Variants in SSBP2 observed in about 807,000 individuals in gnomAD.
SSBP2 encodes single-stranded DNA-binding protein 2.
In SSBP2, 17 loss-of-function variants were observed where a neutral mutation model predicts 61.8. That is an observed-to-expected ratio of 0.28 (90% CI 0.19 to 0.41). The LOEUF (loss-of-function observed/expected upper bound fraction) is 0.41, where lower values mean the gene tolerates loss of function less well. SSBP2 is among the 10% of genes least tolerant of loss of function. The probability of loss-of-function intolerance (pLI) is 1.00; values close to 1 mark genes in which losing one functional copy is unlikely to be tolerated. For missense variants in SSBP2, 310 were observed against 458.7 expected (o/e 0.68, Z 2.96); for synonymous variants, 139 against 141.3 (o/e 0.98, Z 0.12).
intron 1 of SSBP2, among the ~76,000 whole-genome samples, chr5:81,684,776 T>C (rs1240489728): frequency 1.3e-5 from 2 of 152,294 alleles, no homozygotes; most frequent in East Asian, 3.9e-4. Context: ...TTGTCTCAGA[T>C]GAGACTTTGG....
intron 1 of SSBP2, among the ~76,000 whole-genome samples, chr5:81,664,897 C>T (rs1467769516): frequency 6.6e-6 from 1 of 152,112 alleles, no homozygotes; most frequent in Admixed American, 6.6e-5. Context: ...TTTTCGGGTT[C>T]TCTGTTCTGT....
At chr5:81,532,541 G>T (rs1044493049) in intron 4 of SSBP2, among the ~76,000 whole-genome samples, 11 of 151,786 alleles carry the variant, frequency 7.2e-5, no homozygotes, top group Admixed American at 7.2e-4. Flanking sequence ...CAAAATGAAA[G>T]ATAATTCAAA....
intron 5 of SSBP2, among the ~76,000 whole-genome samples, chr5:81,491,789 G>T (rs572387991): frequency 7.2e-5 from 11 of 151,892 alleles, no homozygotes; most frequent in Non-Finnish European, 1.5e-4. Context: ...CAAAACAATC[G>T]GTTAATATAG....
chr5:81,746,314 T>C lies in SSBP2; in HGVS notation c.62+4667A>G, dbSNP rs145920076. On this transcript the variant is annotated intron_variant, in intron 1 of 16. Transcript: ENST00000320672. ...AAACAACTTGTATTTTGGGGGAACA[T>C]CCTGGAGACTGAAAGGGGGAGGGGC... Among the ~76,000 whole-genome samples, 238 of 152,150 alleles carry C rather than the reference T, an allele frequency of 1.6e-3. 1 individual carries two copies. The highest frequency in any genetic ancestry group is 5.5e-3 in the African/African-American group (227 of 41,516).
chr5:81,491,719 A>G (rs1766867688), intron 5 of SSBP2, among the ~76,000 whole-genome samples: 1 of 152,208 alleles, frequency 6.6e-6, no homozygotes, highest in Non-Finnish European at 1.5e-5. Context: ...GAGGCCAAAA[A>G]AAAAGAAATA....
Position 81,643,375 on chromosome 5 carries a change from TA to T in SSBP2, c.136-6758del, listed in dbSNP as rs536916454. ...AAACCAATATCCAAAGAATAACTTT[TA>T]ATACCATAAAACAATAAAACCAATT... is the stretch of plus-strand genomic sequence containing the variant. On this transcript the variant is annotated intron_variant, in intron 2 of 16. Coordinates refer to ENST00000320672, the MANE Select transcript of SSBP2 (RefSeq NM_012446.5). Among the ~76,000 whole-genome samples, 127 of 152,224 alleles carry T rather than the reference TA, an allele frequency of 8.3e-4. No individual in the cohort carries two copies. In the South Asian group the frequency reaches 0.011, roughly 13 times the overall value.
chr5:81,673,308 G>A (rs1281258057), intron 1 of SSBP2, among the ~76,000 whole-genome samples: 1 of 152,150 alleles, frequency 6.6e-6, no homozygotes, highest in Non-Finnish European at 1.5e-5. Flanking sequence ...CACCAAATTT[G>A]AAAATAAAAC....
chr5:81,524,418 C>T (rs1023013899), intron 4 of SSBP2, among the ~76,000 whole-genome samples: 2 of 152,036 alleles, frequency 1.3e-5, no homozygotes, highest in Non-Finnish European at 2.9e-5. Flanking sequence ...TTCTGACCTA[C>T]AAAACTGTGA....
At position 81,516,789 on chromosome 5, in the gene SSBP2, G is replaced by T. The variant is rs542185908; in HGVS notation, c.283-3072C>A. 2.0e-5 allele frequency among the ~76,000 whole-genome samples: 3 copies of T among 150,960 alleles called. No homozygotes were observed. In the East Asian group the frequency reaches 5.8e-4, roughly 29 times the overall value. ...ATAATGCAAGCTTTGAAACTGTAAG[G>T]TAAATAAGAAGTTTTTGGAATTAGA... On this transcript the variant is annotated intron_variant, in intron 4 of 16. Coordinates refer to ENST00000320672, the MANE Select transcript of SSBP2 (RefSeq NM_012446.5).
chr5:81,555,688 A>C (rs1450258614), intron 4 of SSBP2, among the ~76,000 whole-genome samples: 1 of 152,118 alleles, frequency 6.6e-6, no homozygotes, highest in Non-Finnish European at 1.5e-5. Flanking sequence ...CAGTAAGAAA[A>C]TAAAAATCAA....
At chr5:81,733,304 C>G (rs554641828) in intron 1 of SSBP2, among the ~76,000 whole-genome samples, 4 of 151,966 alleles carry the variant, frequency 2.6e-5, no homozygotes. Context: ...ACTAATCATA[C>G]AGTAATAAAC....
At chr5:81,551,111 A>G (rs2154129583) in intron 4 of SSBP2, among the ~76,000 whole-genome samples, 1 of 151,578 alleles carries the variant, frequency 6.6e-6, no homozygotes, top group Admixed American at 6.6e-5. Context: ...AAAAAAAAAA[A>G]AAAAGAAATC....
intron 16 of SSBP2, among the ~76,000 whole-genome samples, chr5:81,428,055 T>C (rs1357056759): frequency 1.3e-5 from 2 of 152,214 alleles, no homozygotes; most frequent in Non-Finnish European, 2.9e-5. Flanking sequence ...ATGAATTTTA[T>C]TGCTTCTCTT....
At chr5:81,598,725 G>T (rs1744042966) in intron 4 of SSBP2, among the ~76,000 whole-genome samples, 1 of 152,020 alleles carries the variant, frequency 6.6e-6, no homozygotes, top group Admixed American at 6.6e-5. Flanking sequence ...TCTTAATTGG[G>T]TCCTCAAATC....
intron 4 of SSBP2, among the ~76,000 whole-genome samples, chr5:81,536,360 TGTTA>T (rs1770799591): frequency 6.6e-6 from 1 of 152,164 alleles, no homozygotes; most frequent in Non-Finnish European, 1.5e-5. Context: ...CATACAGGTT[TGTTA>T]GATAGGTAAA....
At chr5:81,541,009 G>T (rs1265299021) in intron 4 of SSBP2, among the ~76,000 whole-genome samples, 2 of 151,710 alleles carry the variant, frequency 1.3e-5, no homozygotes, top group Admixed American at 6.6e-5. Flanking sequence ...TCTATAGCTA[G>T]AAAACCTTAA....
intron 3 of SSBP2, among the ~76,000 whole-genome samples, chr5:81,631,217 G>A (rs952779819): frequency 1.7e-4 from 26 of 152,088 alleles, no homozygotes; most frequent in African/African-American, 5.8e-4. Context: ...CCAAAAGACC[G>A]CACCTGTTCC....
chr5:81,466,786 C>T (rs1429300253), intron 9 of SSBP2, among the ~76,000 whole-genome samples, 188 bp downstream of exon 9: 1 of 151,890 alleles, frequency 6.6e-6, no homozygotes, highest in African/African-American at 2.4e-5. Flanking sequence ...ATGAAGCAAA[C>T]ACTACAGCTC....
At chr5:81,730,917 T>C (rs4703839) in intron 1 of SSBP2, among the ~76,000 whole-genome samples, 6,934 of 150,162 alleles carry the variant, frequency 0.046, 507 homozygotes, top group East Asian at 0.37. Flanking sequence ...AAATAATTTC[T>C]AATATATTTT....
Sources: allele counts gnomAD v4.1 joint callset (sites outside exome capture counted in the v4.1 genomes callset), GRCh38; gene constraint gnomAD v4.1.1; transcripts MANE v1.5; gene names NCBI Gene and HGNC (gene_info 2026-07-23, HGNC 2026-07-21).